CTXND1: variants seen among roughly 807,000 people sequenced by gnomAD.
The protein encoded by CTXND1 is cortexin domain-containing 1 protein.
At position 80,231,413 on chromosome 15, in the gene CTXND1, AAAG is replaced by A. The variant is rs549602501; in HGVS notation, c.-218+20591_-218+20593del. ...TTAAAAAAAAAGAAAAGAAAAAAAAAAAGAAAAAACTTCTCCTGTGTCAACTTC... is the reference window on the plus strand; with the variant it reads ...TTAAAAAAAAAGAAAAGAAAAAAAAAAAAAAACTTCTCCTGTGTCAACTTC... On this transcript the variant is annotated intron_variant, in intron 1 of 2. Transcript: ENST00000560778. Among the ~76,000 whole-genome samples, 159 of 152,220 alleles carry A rather than the reference AAAG, an allele frequency of 1.0e-3. 1 individual carries two copies. The highest frequency in any genetic ancestry group is 3.8e-3 in the African/African-American group (156 of 41,520).
chr15:80,231,294 A>G (rs1351475029), intron 1 of CTXND1, among the ~76,000 whole-genome samples: 2 of 151,834 alleles, frequency 1.3e-5, no homozygotes, highest in African/African-American at 4.8e-5. Flanking sequence ...CCCCATCCAA[A>G]TCTAAGCTAG....
intron 1 of CTXND1, among the ~76,000 whole-genome samples, chr15:80,237,663 A>G (rs1179048779): frequency 1.3e-5 from 2 of 152,338 alleles, no homozygotes; most frequent in Admixed American, 6.5e-5. Context: ...TTTGTGCAAT[A>G]TTTTGTACAC....
At chr15:80,216,266 T>C (rs916907331) in intron 1 of CTXND1, among the ~76,000 whole-genome samples, 1 of 152,212 alleles carries the variant, frequency 6.6e-6, no homozygotes, top group African/African-American at 2.4e-5. Context: ...TTCCTATTGA[T>C]AGTATTTCCC....
At chr15:80,215,185 C>G (rs1893239304) in intron 1 of CTXND1, among the ~76,000 whole-genome samples, 2 of 152,176 alleles carry the variant, frequency 1.3e-5, no homozygotes, top group South Asian at 4.1e-4. Flanking sequence ...TCCATGAAGC[C>G]ACCCAATGTT....
At chr15:80,249,607 G>A (rs1893671518) in intron 1 of CTXND1, among the ~76,000 whole-genome samples, 1 of 152,218 alleles carries the variant, frequency 6.6e-6, no homozygotes, top group Admixed American at 6.5e-5. Context: ...AAGAACTGAA[G>A]ATAAAAAAGG....
intron 1 of CTXND1, among the ~76,000 whole-genome samples, chr15:80,240,956 G>A (rs1893558773): frequency 6.6e-6 from 1 of 152,216 alleles, no homozygotes; most frequent in Non-Finnish European, 1.5e-5. Context: ...ACCCACTCGG[G>A]AGACAAGTTC....
chr15:80,198,553 C>T lies in CTXND1; in HGVS notation c.*3217G>A, dbSNP rs2041432032. 6.6e-6 allele frequency: 1 copy of T among 152,238 alleles called. No homozygotes were observed. The highest frequency in any genetic ancestry group is 2.1e-4 in the South Asian group (1 of 4,836). 9.4% of individuals were successfully genotyped at this position (152,238 alleles called of 1,614,324 possible). A position where few individuals can be genotyped will look rare whatever the true frequency, so the allele number is the denominator to read the frequency against. ...TTGAGACGCTCTGATCACAAAGGACCATCTCCTCTATGCTTCAGCAGCATA... is the reference window on the plus strand; with the variant it reads ...TTGAGACGCTCTGATCACAAAGGACTATCTCCTCTATGCTTCAGCAGCATA... On this transcript the variant is annotated 3_prime_UTR_variant, in exon 3 of 3. Transcript: ENST00000560778.
chr15:80,235,842 G>T (rs1893489030), intron 1 of CTXND1, among the ~76,000 whole-genome samples: 1 of 151,496 alleles, frequency 6.6e-6, no homozygotes, highest in African/African-American at 2.4e-5. Context: ...TTGAACCTCA[G>T]CTTGCTCATT....
chr15:80,245,912 C>T (rs980129749), intron 1 of CTXND1, among the ~76,000 whole-genome samples: 5 of 152,166 alleles, frequency 3.3e-5, no homozygotes, highest in African/African-American at 1.2e-4. Context: ...TATTAGGTGT[C>T]ATTCTCACAG....
At chr15:80,205,924 T>C (rs1893143189) in intron 1 of CTXND1, among the ~76,000 whole-genome samples, 1 of 151,794 alleles carries the variant, frequency 6.6e-6, no homozygotes, top group African/African-American at 2.4e-5. Flanking sequence ...AGTCACACAA[T>C]CTTGAAAATC....
At chr15:80,213,605 T>C (rs898931866) in intron 1 of CTXND1, among the ~76,000 whole-genome samples, 4 of 152,112 alleles carry the variant, frequency 2.6e-5, no homozygotes, top group Admixed American at 2.0e-4. Flanking sequence ...ATGCTGGCAG[T>C]GACTAAGAGT....
intron 1 of CTXND1, among the ~76,000 whole-genome samples, chr15:80,224,155 C>A (rs1013927570): frequency 1.3e-5 from 2 of 152,128 alleles, no homozygotes; most frequent in Non-Finnish European, 2.9e-5. Flanking sequence ...GCAGTTCCAG[C>A]CCCAGCTGTG....
intron 1 of CTXND1, among the ~76,000 whole-genome samples, chr15:80,227,701 C>T (rs748317775): frequency 2.0e-5 from 3 of 152,106 alleles, no homozygotes; most frequent in East Asian, 1.9e-4. Flanking sequence ...TTAAAAAATA[C>T]GTTATTGCTA....
intron 1 of CTXND1, among the ~76,000 whole-genome samples, chr15:80,204,169 A>AAAAAAAAAAAAATAT (rs1555443860): frequency 1.5e-5 from 1 of 65,196 alleles, no homozygotes; most frequent in East Asian, 5.4e-4. Context: ...AAAAAAAAAA[A>AAAAAAAAAAAAATAT]ATATATATAT....
intron 1 of CTXND1, among the ~76,000 whole-genome samples, chr15:80,204,033 C>T (rs1893115914): frequency 6.7e-6 from 1 of 148,590 alleles, no homozygotes; most frequent in African/African-American, 2.5e-5. Context: ...CGTGGTGGTG[C>T]ATGCCTGTAA....
chr15:80,240,305 C>T (rs1160573622), intron 1 of CTXND1, among the ~76,000 whole-genome samples: 1 of 152,152 alleles, frequency 6.6e-6, no homozygotes, highest in Non-Finnish European at 1.5e-5. Flanking sequence ...TTGCATAAAC[C>T]TTAGGACCCA....
intron 1 of CTXND1, among the ~76,000 whole-genome samples, chr15:80,245,683 C>A (rs565404324): frequency 2.6e-5 from 4 of 152,314 alleles, no homozygotes; most frequent in South Asian, 4.2e-4. Context: ...TATCAAGGAA[C>A]TTGTGGACGT....
intron 1 of CTXND1, among the ~76,000 whole-genome samples, chr15:80,204,647 G>GTGTATATATATATATATATATA (rs1399579470): frequency 1.5e-5 from 2 of 131,342 alleles, no homozygotes; most frequent in African/African-American, 5.8e-5. Context: ...ATATTCCATT[G>GTGTATATATATATATATATATA]TATATATATA....
At position 80,202,130 on chromosome 15, in the gene CTXND1, G is replaced by T. The variant is rs143812830; in HGVS notation, c.-65-116C>A. ...GCTACCCCTGCACCGAGAGCTTGCT[G>T]CTCAGACCACCCTGCAGGAGGGTAG... On this transcript the variant is annotated intron_variant, in intron 2 of 2. Transcript: ENST00000560778. 1,475 of 391,190 alleles carry T rather than the reference G, an allele frequency of 3.8e-3. 1 individual carries two copies. The highest frequency in any genetic ancestry group is 9.0e-3 in the Middle Eastern group (14 of 1,548). The allele number at this position is 391,190 out of a possible 1,614,324, so 24.2% of individuals were successfully genotyped here. A position where few individuals can be genotyped will look rare whatever the true frequency, so the allele number is the denominator to read the frequency against.
Sources: allele counts gnomAD v4.1 joint callset (sites outside exome capture counted in the v4.1 genomes callset), GRCh38; gene constraint gnomAD v4.1.1; transcripts MANE v1.5; gene names NCBI Gene and HGNC (gene_info 2026-07-23, HGNC 2026-07-21).